IMMP1L: variants seen among roughly 807,000 people sequenced by gnomAD.
IMMP1L encodes the protein mitochondrial inner membrane protease subunit 1.
IMMP1L carries 24 observed loss-of-function variants against 21.8 expected under a neutral mutation model. The observed-to-expected ratio is 1.10, with a 90% CI of 0.80 to 1.55. The LOEUF is 1.55. Ranked by LOEUF, IMMP1L falls within the 40% of genes most tolerant of loss-of-function variation. IMMP1L has a pLI of 0.00. For synonymous variants in IMMP1L, 46 were observed against 62.8 expected (o/e 0.73, Z 1.26); for missense variants, 195 against 200.7 (o/e 0.97, Z 0.17).
intron 1 of IMMP1L, chr11:31,473,847 C>T (rs1307972211): frequency 2.0e-6 from 1 of 489,994 alleles, no homozygotes; most frequent in Admixed American, 6.4e-5. Context: ...ACACATTATA[C>T]AAGTATGTAA....
Position 31,437,161 on chromosome 11 carries a change from A to G in IMMP1L, c.322-3591T>C, listed in dbSNP as rs1315012241. 3 of 451,112 alleles carry G rather than the reference A, an allele frequency of 6.7e-6. No individual in the cohort carries two copies. The Admixed American group carries it at 7.1e-5, about 11-fold the overall frequency. The allele number at this position is 451,112 out of a possible 1,614,324, so 27.9% of individuals were successfully genotyped here. A position where few individuals can be genotyped will look rare whatever the true frequency, so the allele number is the denominator to read the frequency against. ...GTATCTCTTATCTGAAATGCTAGAG[A>G]CCAGAAGTGTTTCAGGTTTCATATA... On this transcript the variant is annotated intron_variant, in intron 4 of 5. Transcript: ENST00000532287.
intron 3 of IMMP1L, among the ~76,000 whole-genome samples, chr11:31,457,130 C>T (rs1288241366): frequency 6.6e-6 from 1 of 151,740 alleles, no homozygotes; most frequent in Non-Finnish European, 1.5e-5. Context: ...AGTCCTATAA[C>T]CCATATCAAA....
chr11:31,501,580 G>C (rs2133827822), intron 1 of IMMP1L, among the ~76,000 whole-genome samples: 1 of 152,228 alleles, frequency 6.6e-6, no homozygotes. Context: ...TTCTGTTACA[G>C]CAACACAGAA....
intron 1 of IMMP1L, among the ~76,000 whole-genome samples, chr11:31,495,063 A>G (rs1955388322): frequency 6.6e-6 from 1 of 152,236 alleles, no homozygotes; most frequent in African/African-American, 2.4e-5. Flanking sequence ...TCTCCAGGGC[A>G]GTGGCAAAAT....
In IMMP1L at chr11:31,489,287, T is replaced by G. The variant is rs915193715; in HGVS notation, c.-30+20232A>C. Among the ~76,000 whole-genome samples the G allele has an allele frequency of 7.2e-5, 11 of 152,342 alleles. No individual in the cohort carries two copies. In the Middle Eastern group the frequency reaches 0.014, roughly 188 times the overall value. ...GTGTCTGCCACAAAAAACAAACTTT[T>G]GCCTTTAAAACAATATATGCATATT... On this transcript the variant is annotated intron_variant, in intron 1 of 5. Transcript: ENST00000532287.
intron 5 of IMMP1L, 43 bp from the exon 6 acceptor site, chr11:31,432,611 T>A: frequency 4.7e-6 from 6 of 1,271,884 alleles, no homozygotes; most frequent in Non-Finnish European, 5.8e-6. Flanking sequence ...GTGAAAGTAA[T>A]GTTATAGTAT....
chr11:31,484,128 C>G (rs1303964561), intron 1 of IMMP1L, among the ~76,000 whole-genome samples: 1 of 151,682 alleles, frequency 6.6e-6, no homozygotes, highest in Non-Finnish European at 1.5e-5. Context: ...CAGGCTTACC[C>G]CTTTCACTCT....
At chr11:31,508,298 T>A (rs1191633715) in intron 1 of IMMP1L, among the ~76,000 whole-genome samples, 2 of 152,258 alleles carry the variant, frequency 1.3e-5, no homozygotes, top group African/African-American at 4.8e-5. Flanking sequence ...TTTTAAGTAC[T>A]ATGTTGTTTT....
chr11:31,503,096 A>G (rs1001343674), intron 1 of IMMP1L, among the ~76,000 whole-genome samples: 1 of 152,200 alleles, frequency 6.6e-6, no homozygotes, highest in Non-Finnish European at 1.5e-5. Context: ...TGCCCTGGTC[A>G]GTCCCAGCTT....
At chr11:31,481,683 T>C (rs1305869616) in intron 1 of IMMP1L, among the ~76,000 whole-genome samples, 1 of 151,930 alleles carries the variant, frequency 6.6e-6, no homozygotes, top group Admixed American at 6.6e-5. Context: ...ATAAAAAGAA[T>C]AACTGAAGAC....
At chr11:31,494,724 C>T (rs1174109355) in intron 1 of IMMP1L, among the ~76,000 whole-genome samples, 1 of 152,038 alleles carries the variant, frequency 6.6e-6, no homozygotes, top group Non-Finnish European at 1.5e-5. Flanking sequence ...TCACTGCAAG[C>T]TCCACCTCCC....
chr11:31,509,543 A>C lies in IMMP1L; in HGVS notation c.-54T>G, dbSNP rs1269511158. ...CCTCGGGCCCCAAAGAACCCTGGAG[A>C]CCCTCAACCAGGACACAGGTGGGCC... On this transcript the variant is annotated 5_prime_UTR_variant, in exon 1 of 6. Transcript: ENST00000532287. 3 of 563,702 alleles carry C rather than the reference A, an allele frequency of 5.3e-6. No homozygotes were observed. The allele number at this position is 563,702 out of a possible 1,614,324, so 34.9% of individuals were successfully genotyped here.
At chr11:31,495,117 C>A (rs1592038093) in intron 1 of IMMP1L, among the ~76,000 whole-genome samples, 2 of 152,208 alleles carry the variant, frequency 1.3e-5, no homozygotes, top group Non-Finnish European at 2.9e-5. Flanking sequence ...TACCTTTGCT[C>A]CAGTTCCTAG....
chr11:31,458,107 A>T (rs1195460951), intron 3 of IMMP1L, among the ~76,000 whole-genome samples: 2 of 152,148 alleles, frequency 1.3e-5, no homozygotes, highest in African/African-American at 4.8e-5. Context: ...GACCCTTAAA[A>T]CAAACTTTGC....
At chr11:31,496,491 T>C (rs2133809625) in intron 1 of IMMP1L, among the ~76,000 whole-genome samples, 1 of 152,054 alleles carries the variant, frequency 6.6e-6, no homozygotes, top group East Asian at 1.9e-4. Flanking sequence ...CCAAAGGAAA[T>C]GAAAACAGAG....
chr11:31,461,017 A>C (rs747645324), intron 2 of IMMP1L, among the ~76,000 whole-genome samples: 1 of 152,174 alleles, frequency 6.6e-6, no homozygotes, highest in African/African-American at 2.4e-5. Context: ...GAAGGCAGAG[A>C]TCTCTCTCAT....
intron 1 of IMMP1L, among the ~76,000 whole-genome samples, chr11:31,475,256 C>T (rs1241295246): frequency 6.6e-6 from 1 of 152,136 alleles, no homozygotes; most frequent in Non-Finnish European, 1.5e-5. Flanking sequence ...GAAAGCATCA[C>T]CTTCCAAAAA....
intron 1 of IMMP1L, among the ~76,000 whole-genome samples, chr11:31,478,661 G>C (rs1390896421): frequency 6.6e-6 from 1 of 152,012 alleles, no homozygotes; most frequent in Non-Finnish European, 1.5e-5. Flanking sequence ...CATAAAATTA[G>C]GTCATAGCCC....
chr11:31,490,101 A>C (rs778392377), intron 1 of IMMP1L, among the ~76,000 whole-genome samples: 1 of 152,196 alleles, frequency 6.6e-6, no homozygotes, highest in Non-Finnish European at 1.5e-5. Flanking sequence ...CATTGATGTG[A>C]GTAAATATTG....
Sources: allele counts gnomAD v4.1 joint callset (sites outside exome capture counted in the v4.1 genomes callset), GRCh38; gene constraint gnomAD v4.1.1; transcripts MANE v1.5; gene names NCBI Gene and HGNC (gene_info 2026-07-23, HGNC 2026-07-21).